The following SHISA9 variants were observed in gnomAD, a reference collection of about 807,000 sequenced individuals.
The protein encoded by SHISA9 is shisa family member 9.
A neutral mutation model predicts 38.0 loss-of-function variants in SHISA9; 13 were observed. The observed-to-expected ratio is 0.34, with a 90% CI of 0.22 to 0.54. SHISA9 has a LOEUF of 0.54. Among genes scored for constraint, SHISA9 ranks in the 20% least tolerant of loss-of-function variants. The pLI is 0.91. For synonymous variants in SHISA9, 275 were observed against 242.0 expected, an observed-to-expected ratio of 1.14 and a Z score of -1.27; for missense variants, 538 against 575.8, an observed-to-expected ratio of 0.93 and a Z score of 0.67.
the SHISA9 span, among the ~76,000 whole-genome samples, chr16:13,487,003 C>T: frequency 6.6e-6 from 1 of 152,202 alleles, no homozygotes; most frequent in Non-Finnish European, 1.5e-5. Flanking sequence ...CGCACTCAGC[C>T]CACTTCTTTC....
At chr16:13,040,518 A>T (rs1415574783) in intron 2 of SHISA9, among the ~76,000 whole-genome samples, 1 of 152,148 alleles carries the variant, frequency 6.6e-6, no homozygotes, top group African/African-American at 2.4e-5. Flanking sequence ...ATTTATTCTC[A>T]TAGCATTGAT....
chr16:12,944,131 T>C (rs986416480), intron 2 of SHISA9, among the ~76,000 whole-genome samples: 2 of 152,168 alleles, frequency 1.3e-5, no homozygotes, highest in Non-Finnish European at 2.9e-5. Context: ...GGTGAAATTG[T>C]CTTGGTTGAA....
intron 2 of SHISA9, among the ~76,000 whole-genome samples, chr16:12,978,265 C>T (rs570174370): frequency 2.6e-5 from 4 of 152,308 alleles, no homozygotes; most frequent in Admixed American, 2.0e-4. Flanking sequence ...ACTGTTTATT[C>T]TGGAAGAAAT....
At position 13,210,050 on chromosome 16, in the gene SHISA9, A is replaced by G. The variant is rs555645681; in HGVS notation, c.848-3203A>G. ...CGGGAGGCGGAGCTCGCAGTGAGCCAAGATCACACCACTGCACTCCAGTCT... is the reference window on the plus strand; with the variant it reads ...CGGGAGGCGGAGCTCGCAGTGAGCCGAGATCACACCACTGCACTCCAGTCT... On this transcript the variant is annotated intron_variant, in intron 3 of 4. Transcript: ENST00000558583. Among the ~76,000 whole-genome samples, 197 of 152,250 alleles carry G rather than the reference A, an allele frequency of 1.3e-3. 1 individual carries two copies. The highest frequency in any genetic ancestry group is 4.6e-3 in the African/African-American group (191 of 41,560).
chr16:13,382,918 A>G, the SHISA9 span, among the ~76,000 whole-genome samples: 21 of 152,152 alleles, frequency 1.4e-4, no homozygotes, highest in African/African-American at 5.1e-4. Context: ...TTTGATAAGA[A>G]AAAGAATCAA....
the SHISA9 span, among the ~76,000 whole-genome samples, chr16:13,273,239 C>A: frequency 2.0e-5 from 3 of 152,306 alleles, no homozygotes; most frequent in African/African-American, 7.2e-5. Flanking sequence ...TAAGACATCT[C>A]AACGACATGT....
At chr16:13,357,727 G>A in the SHISA9 span, among the ~76,000 whole-genome samples, 19 of 151,912 alleles carry the variant, frequency 1.3e-4, no homozygotes, top group Non-Finnish European at 4.4e-5. Context: ...GATAGGTAAA[G>A]GAAAATTACA....
the SHISA9 span, among the ~76,000 whole-genome samples, chr16:13,280,404 T>C: frequency 6.6e-6 from 1 of 151,738 alleles, no homozygotes; most frequent in Non-Finnish European, 1.5e-5. Flanking sequence ...ATTTTAGATA[T>C]TTATTATTTT....
At chr16:13,016,983 G>C (rs867870667) in intron 2 of SHISA9, among the ~76,000 whole-genome samples, 2 of 151,754 alleles carry the variant, frequency 1.3e-5, no homozygotes, top group Non-Finnish European at 2.9e-5. Context: ...CTGATCTCGG[G>C]TACCTTTCTT....
the SHISA9 span, among the ~76,000 whole-genome samples, chr16:13,249,958 T>A: frequency 6.6e-6 from 1 of 152,156 alleles, no homozygotes; most frequent in Non-Finnish European, 1.5e-5. Flanking sequence ...GGTCTTGAAC[T>A]CCTAGGCTCA....
chr16:13,366,762 C>T, the SHISA9 span, among the ~76,000 whole-genome samples: 2 of 152,102 alleles, frequency 1.3e-5, no homozygotes, highest in Admixed American at 6.6e-5. Flanking sequence ...CCGAGGTGGG[C>T]GATCACTTAT....
At chr16:13,089,113 A>G (rs542674342) in intron 2 of SHISA9, among the ~76,000 whole-genome samples, 1 of 152,300 alleles carries the variant, frequency 6.6e-6, no homozygotes, top group African/African-American at 2.4e-5. Context: ...GATTACGTTT[A>G]TTGATTTGCG....
the SHISA9 span, among the ~76,000 whole-genome samples, chr16:13,479,888 C>T: frequency 5.9e-5 from 9 of 152,194 alleles, no homozygotes; most frequent in Non-Finnish European, 1.3e-4. Context: ...GTTCCATTTC[C>T]TATGTTCTTC....
downstream of SHISA9, among the ~76,000 whole-genome samples, chr16:13,243,136 G>T (rs2051447056): frequency 6.6e-6 from 1 of 152,090 alleles, no homozygotes. Flanking sequence ...CTACTCAGCA[G>T]GCTGAGGCAG....
At chr16:13,496,076 A>G in the SHISA9 span, among the ~76,000 whole-genome samples, 1 of 152,206 alleles carries the variant, frequency 6.6e-6, no homozygotes, top group African/African-American at 2.4e-5. Context: ...TAATGCAAAT[A>G]GATACACTAA....
At chr16:13,026,692 C>T (rs1455608849) in intron 2 of SHISA9, among the ~76,000 whole-genome samples, 2 of 152,190 alleles carry the variant, frequency 1.3e-5, no homozygotes, top group African/African-American at 4.8e-5. Context: ...CACTGTGGGT[C>T]AGTTCTGACC....
rs150032463 is a variant in SHISA9, at chr16:13,172,062, C to A, written c.692-31332C>A. On this transcript the variant is annotated intron_variant, in intron 2 of 4. Coordinates refer to ENST00000558583, the MANE Select transcript of SHISA9 (RefSeq NM_001145204.3). ...CCACTTTCTCTCCTTCCCTTCCTTT[C>A]CCCCCTTTCCCTCCTTCCCTCCTCT... Among the ~76,000 whole-genome samples the A allele has an allele frequency of 6.6e-5, 10 of 152,102 alleles. No individual in the cohort carries two copies. In the East Asian group the frequency reaches 9.7e-4, roughly 15 times the overall value.
chr16:13,441,756 C>T, the SHISA9 span, among the ~76,000 whole-genome samples: 2 of 152,152 alleles, frequency 1.3e-5, no homozygotes, highest in Non-Finnish European at 1.5e-5. Context: ...AAACCTGGTG[C>T]CGTCCCTATT....
At chr16:13,231,525 G>A (rs1199469676) in intron 4 of SHISA9, among the ~76,000 whole-genome samples, 1 of 152,228 alleles carries the variant, frequency 6.6e-6, no homozygotes, top group Admixed American at 6.5e-5. Context: ...AGCCTTAGCA[G>A]ATTCCAAGAT....
Sources: gnomAD v4.1 joint callset for allele counts (sites outside exome capture counted in the v4.1 genomes callset) on GRCh38, gnomAD v4.1.1 for gene constraint, MANE v1.5 for transcripts, NCBI Gene and HGNC (gene_info 2026-07-23, HGNC 2026-07-21) for gene names.